Variants in NEDD9 observed in about 807,000 individuals in gnomAD.
NEDD9 encodes neural precursor cell expressed, developmentally down-regulated 9.
Under a neutral mutation model 76.6 loss-of-function variants are expected in NEDD9, and 26 were observed. That is an observed-to-expected ratio of 0.34 (90% CI 0.25 to 0.47). The LOEUF is 0.47. NEDD9 is among the 20% of genes least tolerant of loss of function. NEDD9 has a pLI of 1.00. For synonymous variants in NEDD9, 392 were observed against 414.2 expected (o/e 0.95, Z 0.65); for missense variants, 937 against 1,058.5 (o/e 0.89, Z 1.59).
At chr6:11,203,034 C>T (rs912907218) in intron 2 of NEDD9, among the ~76,000 whole-genome samples, 1 of 152,196 alleles carries the variant, frequency 6.6e-6, no homozygotes, top group Non-Finnish European at 1.5e-5. Flanking sequence ...GCATGTCCCC[C>T]CTGCTGCTTT....
At position 11,369,464 on chromosome 6, in the gene NEDD9, A is replaced by G. The variant is rs148945196; in HGVS notation, c.-214+12675T>C. Reference sequence around the variant, plus strand: ...TTATTAGGAACTCCCCATTTCTCCAACCATTGCTCCTGTGTACTACACAAC... The same window carrying G: ...TTATTAGGAACTCCCCATTTCTCCAGCCATTGCTCCTGTGTACTACACAAC... On this transcript the variant is annotated intron_variant, in intron 1 of 3. Coordinates refer to the NEDD9 transcript ENST00000397378. 4.6e-5 allele frequency among the ~76,000 whole-genome samples: 7 copies of G among 152,326 alleles called. No individual in the cohort carries two copies. In the East Asian group the frequency reaches 1.4e-3, roughly 29 times the overall value.
intron 3 of NEDD9, among the ~76,000 whole-genome samples, chr6:11,275,273 A>G (rs1760392307): frequency 6.6e-6 from 1 of 152,208 alleles, no homozygotes; most frequent in African/African-American, 2.4e-5. Context: ...GGATTGAGGA[A>G]ATGTTAGTAA....
At chr6:11,257,810 T>TGTGTGTGTGTGTGTGTGCGC (rs1340885962) in intron 3 of NEDD9, among the ~76,000 whole-genome samples, 5 of 151,412 alleles carry the variant, frequency 3.3e-5, no homozygotes, top group African/African-American at 1.2e-4. Flanking sequence ...TGTGTGTGTG[T>TGTGTGTGTGTGTGTGTGCGC]GCAGTACGGC....
chr6:11,317,743 G>A (rs1028428947), intron 2 of NEDD9, among the ~76,000 whole-genome samples: 2 of 152,156 alleles, frequency 1.3e-5, no homozygotes, highest in African/African-American at 4.8e-5. Context: ...GACAGCATGC[G>A]TGGCCAGTGC....
intron 2 of NEDD9, among the ~76,000 whole-genome samples, chr6:11,206,054 T>G (rs923600395): frequency 6.6e-6 from 1 of 152,218 alleles, no homozygotes; most frequent in African/African-American, 2.4e-5. Flanking sequence ...TAGAATGAAG[T>G]GCTTTTGATT....
chr6:11,265,737 G>A (rs1288474977), intron 3 of NEDD9, among the ~76,000 whole-genome samples: 1 of 152,102 alleles, frequency 6.6e-6, no homozygotes, highest in Non-Finnish European at 1.5e-5. Context: ...GTATTTACAT[G>A]TTTATCACAG....
At chr6:11,246,550 G>C (rs1476654422) in intron 3 of NEDD9, among the ~76,000 whole-genome samples, 2 of 152,216 alleles carry the variant, frequency 1.3e-5, no homozygotes, top group East Asian at 1.9e-4. Context: ...TCCCTGACAG[G>C]CTGCGGTTTA....
chr6:11,377,765 C>T (rs1047578034), intron 1 of NEDD9, among the ~76,000 whole-genome samples: 2 of 152,090 alleles, frequency 1.3e-5, no homozygotes, highest in Non-Finnish European at 2.9e-5. Context: ...ATTTGGGAAG[C>T]CAGGGGCAGA....
intron 3 of NEDD9, among the ~76,000 whole-genome samples, chr6:11,268,738 CACACACAG>C (rs1444998566): frequency 1.2e-4 from 18 of 148,854 alleles, no homozygotes; most frequent in Admixed American, 2.0e-4. Flanking sequence ...CACACACACA[CACACACAG>C]ACACACACAC....
intron 3 of NEDD9, among the ~76,000 whole-genome samples, chr6:11,246,714 TC>T (rs1759819732): frequency 6.6e-6 from 1 of 152,176 alleles, no homozygotes; most frequent in Admixed American, 6.5e-5. Flanking sequence ...CGGGAAACTC[TC>T]CCTCTCCCTT....
At chr6:11,265,019 T>C (rs1255617399) in intron 3 of NEDD9, among the ~76,000 whole-genome samples, 1 of 152,232 alleles carries the variant, frequency 6.6e-6, no homozygotes, top group South Asian at 2.1e-4. Flanking sequence ...GTTTTGCACA[T>C]TTTCTTAAAT....
At chr6:11,250,223 C>G (rs987480366) in intron 3 of NEDD9, among the ~76,000 whole-genome samples, 5 of 152,196 alleles carry the variant, frequency 3.3e-5, no homozygotes, top group African/African-American at 1.2e-4. Flanking sequence ...AGGTCAAAGT[C>G]AGTGTAAAGT....
chr6:11,338,771 A>C lies in NEDD9; in HGVS notation c.-213-4210T>G, dbSNP rs112460971. ...ACCCCATATCTACTAAAAATACAAA[A>C]ATTAGCTGGGTGTAGTGGTGTGTGC... On this transcript the variant is annotated intron_variant, in intron 1 of 3. Transcript: ENST00000397378. Among the ~76,000 whole-genome samples, 10 of 152,124 alleles carry C rather than the reference A, an allele frequency of 6.6e-5. 1 individual carries two copies. The highest frequency in any genetic ancestry group is 2.2e-4 in the African/African-American group (9 of 41,494).
At chr6:11,272,049 G>T (rs1457367784) in intron 3 of NEDD9, among the ~76,000 whole-genome samples, 2 of 152,160 alleles carry the variant, frequency 1.3e-5, no homozygotes, top group Non-Finnish European at 2.9e-5. Context: ...CCACAGAAGA[G>T]AGCTGTCATA....
intron 3 of NEDD9, among the ~76,000 whole-genome samples, chr6:11,265,111 T>C (rs1385049786): frequency 6.6e-6 from 1 of 152,256 alleles, no homozygotes; most frequent in Admixed American, 6.5e-5. Flanking sequence ...TTCAGATTTT[T>C]TAATCTGTTA....
chr6:11,288,568 C>G (rs1424407313), intron 3 of NEDD9, among the ~76,000 whole-genome samples: 1 of 152,194 alleles, frequency 6.6e-6, no homozygotes, highest in East Asian at 1.9e-4. Context: ...GGGAACCATA[C>G]TTTTGGTCAA....
At chr6:11,277,576 G>A (rs56286260) in intron 3 of NEDD9, among the ~76,000 whole-genome samples, 11 of 152,278 alleles carry the variant, frequency 7.2e-5, no homozygotes, top group East Asian at 3.9e-4. Flanking sequence ...AGAGAGCAGC[G>A]CGAACTAGTC....
intron 1 of NEDD9, among the ~76,000 whole-genome samples, chr6:11,359,298 T>C (rs569957867): frequency 2.0e-5 from 3 of 152,360 alleles, no homozygotes; most frequent in East Asian, 3.9e-4. Context: ...CCTTCCTGTT[T>C]ACCCTTGAAA....
intron 1 of NEDD9, among the ~76,000 whole-genome samples, chr6:11,221,529 A>G (rs529874048): frequency 6.6e-6 from 1 of 152,182 alleles, no homozygotes; most frequent in Non-Finnish European, 1.5e-5. Context: ...ATTCTAACCC[A>G]ATCTCCTTAT....
Sources: allele counts gnomAD v4.1 joint callset (sites outside exome capture counted in the v4.1 genomes callset), GRCh38; gene constraint gnomAD v4.1.1; transcripts MANE v1.5; gene names NCBI Gene and HGNC (gene_info 2026-07-23, HGNC 2026-07-21).